Variants in ZNF385D observed in about 807,000 individuals in gnomAD.
The protein encoded by ZNF385D is zinc finger protein 385D.
ZNF385D carries 15 observed loss-of-function variants against 35.8 expected under a neutral mutation model. That is an observed-to-expected ratio of 0.42 (90% CI 0.28 to 0.64). The LOEUF is 0.64. Among genes scored for constraint, ZNF385D ranks in the 30% least tolerant of loss-of-function variants. The pLI is 0.23. For missense variants in ZNF385D, 474 were observed against 494.6 expected (o/e 0.96, Z 0.39); for synonymous variants, 212 against 186.8 (o/e 1.13, Z -1.10).
At chr3:22,030,291 A>ATATATATATATATATATATG (rs1697901329) in intron 3 of ZNF385D, among the ~76,000 whole-genome samples, 1 of 113,676 alleles carries the variant, frequency 8.8e-6, no homozygotes, top group African/African-American at 4.4e-5. Flanking sequence ...ATATATATAT[A>ATATATATATATATATATATG]TATATATATA....
At chr3:22,304,953 T>C (rs544349879) in intron 2 of ZNF385D, among the ~76,000 whole-genome samples, 2 of 152,238 alleles carry the variant, frequency 1.3e-5, no homozygotes, top group South Asian at 4.1e-4. Flanking sequence ...AAGTGCTTAG[T>C]ACAGTATTAT....
intron 4 of ZNF385D, among the ~76,000 whole-genome samples, chr3:21,494,557 A>G (rs1449032853): frequency 3.3e-5 from 5 of 152,196 alleles, no homozygotes. Context: ...GGGAGGAATC[A>G]AAACGCCACT....
At chr3:21,513,386 A>G (rs1350586886) in intron 3 of ZNF385D, among the ~76,000 whole-genome samples, 1 of 152,140 alleles carries the variant, frequency 6.6e-6, no homozygotes, top group African/African-American at 2.4e-5. Flanking sequence ...GAGACACTTA[A>G]TATCTTAAAA....
rs140943789 is a variant in ZNF385D at position 21,682,413 on chromosome 3, T to C, written c.23-17385A>G. Among the ~76,000 whole-genome samples, 15 of 150,284 alleles carry C rather than the reference T, an allele frequency of 1.0e-4. 3 individuals carry two copies. The highest frequency in any genetic ancestry group is 3.7e-4 in the African/African-American group (15 of 40,892). ...GTGAAGAGAAGAGACTCAGGGTGAC[T>C]TAATTGCCTTCAAATATTTAAAAAC... On this transcript the variant is annotated intron_variant, in intron 1 of 7. Coordinates refer to ENST00000281523, the MANE Select transcript of ZNF385D (RefSeq NM_024697.3).
At chr3:22,012,341 G>A (rs1295384934) in intron 3 of ZNF385D, among the ~76,000 whole-genome samples, 2 of 152,018 alleles carry the variant, frequency 1.3e-5, no homozygotes, top group African/African-American at 2.4e-5. Context: ...ATGTTTGGTC[G>A]ATCCTAAGGA....
intron 3 of ZNF385D, among the ~76,000 whole-genome samples, chr3:21,856,030 C>G (rs960868025): frequency 6.6e-6 from 1 of 151,874 alleles, no homozygotes; most frequent in African/African-American, 2.4e-5. Context: ...ATGTGTGTGT[C>G]TGTGTGTGTA....
chr3:22,330,176 A>C (rs1237896290), intron 2 of ZNF385D, among the ~76,000 whole-genome samples: 1 of 152,182 alleles, frequency 6.6e-6, no homozygotes, highest in Non-Finnish European at 1.5e-5. Context: ...TCATTTTTAC[A>C]AGAAGTATTC....
At chr3:21,792,294 C>T (rs2125663975) in intron 3 of ZNF385D, among the ~76,000 whole-genome samples, 1 of 152,206 alleles carries the variant, frequency 6.6e-6, no homozygotes, top group Admixed American at 6.5e-5. Flanking sequence ...AAAGAAGAAC[C>T]TGGAGATTTA....
chr3:21,800,157 T>C (rs1386484830), intron 3 of ZNF385D, among the ~76,000 whole-genome samples: 1 of 152,206 alleles, frequency 6.6e-6, no homozygotes, highest in Non-Finnish European at 1.5e-5. Flanking sequence ...TTGTAGTAAG[T>C]TTTGAAACTA....
intron 2 of ZNF385D, among the ~76,000 whole-genome samples, chr3:21,587,686 T>C (rs1001535791): frequency 2.0e-5 from 3 of 152,122 alleles, no homozygotes; most frequent in Non-Finnish European, 4.4e-5. Flanking sequence ...ATAAGAATTA[T>C]TGGTATAACT....
chr3:21,739,043 C>A (rs184630230), intron 1 of ZNF385D, among the ~76,000 whole-genome samples: 85 of 152,316 alleles, frequency 5.6e-4, no homozygotes, highest in Non-Finnish European at 8.8e-4. Context: ...ACATATCTAG[C>A]CGACTAAATG....
At chr3:21,466,029 A>G (rs1221879454) in intron 4 of ZNF385D, among the ~76,000 whole-genome samples, 1 of 152,176 alleles carries the variant, frequency 6.6e-6, no homozygotes, top group Non-Finnish European at 1.5e-5. Flanking sequence ...CTACGACCCT[A>G]CCACCTGGAA....
intron 2 of ZNF385D, among the ~76,000 whole-genome samples, chr3:22,224,271 A>G (rs1357858706): frequency 6.6e-6 from 1 of 152,188 alleles, no homozygotes; most frequent in Non-Finnish European, 1.5e-5. Flanking sequence ...GTTGCTACTT[A>G]TTTGTATTTT....
At chr3:21,547,909 CCA>C (rs1172706502) in intron 3 of ZNF385D, among the ~76,000 whole-genome samples, 3 of 152,086 alleles carry the variant, frequency 2.0e-5, no homozygotes, top group Admixed American at 6.5e-5. Context: ...ATGCACCCGG[CCA>C]CACGTACTTC....
At chr3:21,556,068 G>GTTTTTTTTTTTTTTT (rs148079775) in intron 3 of ZNF385D, among the ~76,000 whole-genome samples, 189 of 98,922 alleles carry the variant, frequency 1.9e-3, no homozygotes, top group East Asian at 2.5e-3. Context: ...TTTTGTTTTT[G>GTTTTTTTTTTTTTTT]TTTTTTTTTT....
At chr3:21,885,719 T>C (rs895054568) in intron 3 of ZNF385D, among the ~76,000 whole-genome samples, 1 of 145,914 alleles carries the variant, frequency 6.9e-6, no homozygotes, top group East Asian at 2.0e-4. Context: ...TCCATGGAAA[T>C]AGAACAGGGT....
At chr3:21,852,295 GA>G (rs1348227573) in intron 3 of ZNF385D, among the ~76,000 whole-genome samples, 1 of 151,862 alleles carries the variant, frequency 6.6e-6, no homozygotes, top group Non-Finnish European at 1.5e-5. Context: ...TAAGGAATGA[GA>G]GGCAATTTAG....
At chr3:21,553,531 A>G (rs943288878) in intron 3 of ZNF385D, among the ~76,000 whole-genome samples, 2 of 151,536 alleles carry the variant, frequency 1.3e-5, no homozygotes, top group Middle Eastern at 3.2e-3. Flanking sequence ...GGCTGATCAT[A>G]GTGTTGGTGG....
intron 3 of ZNF385D, among the ~76,000 whole-genome samples, chr3:22,108,694 A>G (rs971593036): frequency 7.2e-5 from 11 of 152,134 alleles, no homozygotes; most frequent in Admixed American, 6.6e-5. Flanking sequence ...ACCAAGTTAT[A>G]AAGTCTAAAT....
Sources: gnomAD v4.1 joint callset for allele counts (sites outside exome capture counted in the v4.1 genomes callset) on GRCh38, gnomAD v4.1.1 for gene constraint, MANE v1.5 for transcripts, NCBI Gene and HGNC (gene_info 2026-07-23, HGNC 2026-07-21) for gene names.